TAS2R1: variants seen among roughly 807,000 people sequenced by gnomAD.
TAS2R1 encodes taste receptor type 2 member 1.
For synonymous variants in TAS2R1, 141 were observed against 134.2 expected (o/e 1.05, Z -0.35); for missense variants, 370 against 353.4 (o/e 1.05, Z -0.38).
chr5:9,814,538 A>C, the TAS2R1 span, among the ~76,000 whole-genome samples: 15 of 152,302 alleles, frequency 9.8e-5, no homozygotes, highest in Admixed American at 9.2e-4. Flanking sequence ...ATTCCAGATC[A>C]AAATTTAAAA....
intron 1 of TAS2R1, among the ~76,000 whole-genome samples, chr5:9,684,856 T>C (rs1251665991): frequency 8.4e-6 from 1 of 118,622 alleles, no homozygotes; most frequent in Non-Finnish European, 2.1e-5. Flanking sequence ...CAACTAAAAG[T>C]TAAAGGAAAA....
chr5:9,726,974 A>G, the TAS2R1 span, among the ~76,000 whole-genome samples: 1 of 152,222 alleles, frequency 6.6e-6, no homozygotes, highest in South Asian at 2.1e-4. Flanking sequence ...CCCATCATCA[A>G]TGTTTAAAAC....
At chr5:9,871,629 A>G in the TAS2R1 span, among the ~76,000 whole-genome samples, 1 of 152,128 alleles carries the variant, frequency 6.6e-6, no homozygotes, top group East Asian at 1.9e-4. Flanking sequence ...GAGGAATTTT[A>G]CCCCAGATTT....
the TAS2R1 span, among the ~76,000 whole-genome samples, chr5:9,862,599 TTA>T: frequency 1.4e-5 from 1 of 72,106 alleles, no homozygotes; most frequent in Admixed American, 1.4e-4. Flanking sequence ...TTATTTCGTT[TTA>T]TGATTATTAT....
At chr5:9,653,153 G>A (rs1299697148) in intron 2 of TAS2R1, among the ~76,000 whole-genome samples, 2 of 152,100 alleles carry the variant, frequency 1.3e-5, no homozygotes, top group Admixed American at 1.3e-4. Flanking sequence ...TGCCTTCTGT[G>A]ACTAGCTTAT....
chr5:9,736,256 C>A, the TAS2R1 span, among the ~76,000 whole-genome samples: 1 of 152,178 alleles, frequency 6.6e-6, no homozygotes, highest in Admixed American at 6.5e-5. Context: ...TCTTCTCAGC[C>A]TTTTAGCTTT....
the TAS2R1 span, among the ~76,000 whole-genome samples, chr5:9,776,947 C>T: frequency 3.3e-5 from 5 of 152,158 alleles, no homozygotes; most frequent in Non-Finnish European, 7.3e-5. Context: ...ATTAAGTGTG[C>T]AATAACATAT....
chr5:9,878,546 G>C, the TAS2R1 span, among the ~76,000 whole-genome samples: 8 of 152,356 alleles, frequency 5.3e-5, no homozygotes, highest in Non-Finnish European at 7.3e-5. Context: ...TAGATGATAT[G>C]ATTCTTCTAA....
chr5:9,890,671 A>C, the TAS2R1 span, among the ~76,000 whole-genome samples: 1 of 152,236 alleles, frequency 6.6e-6, no homozygotes, highest in East Asian at 1.9e-4. Flanking sequence ...TATTTTAAAC[A>C]TGTAAGTGTC....
At chr5:9,658,653 C>T (rs1355243566) in intron 2 of TAS2R1, 2 of 152,148 alleles carry the variant, frequency 1.3e-5, no homozygotes, top group African/African-American at 4.8e-5. Flanking sequence ...GGATGAGTTA[C>T]CCGTGGATCA....
chr5:9,897,745 A>C, the TAS2R1 span, among the ~76,000 whole-genome samples: 1 of 152,196 alleles, frequency 6.6e-6, no homozygotes, highest in African/African-American at 2.4e-5. Flanking sequence ...GGTTTTATTA[A>C]GCATGATTCT....
intron 1 of TAS2R1, among the ~76,000 whole-genome samples, chr5:9,704,706 T>C (rs1246337469): frequency 6.6e-6 from 1 of 152,174 alleles, no homozygotes; most frequent in East Asian, 1.9e-4. Context: ...AGAATGCAAA[T>C]AAAACTCTAG....
At chr5:9,731,072 C>T in the TAS2R1 span, among the ~76,000 whole-genome samples, 1 of 152,188 alleles carries the variant, frequency 6.6e-6, no homozygotes, top group African/African-American at 2.4e-5. Context: ...ATCCGCTGTC[C>T]CCCATGAGTG....
the TAS2R1 span, among the ~76,000 whole-genome samples, chr5:9,791,961 T>G: frequency 1.3e-5 from 2 of 152,174 alleles, no homozygotes; most frequent in Non-Finnish European, 2.9e-5. Flanking sequence ...TATTCTCATG[T>G]AGGGGGCAGG....
At chr5:9,698,567 C>G (rs1230170189) in intron 1 of TAS2R1, among the ~76,000 whole-genome samples, 1 of 152,134 alleles carries the variant, frequency 6.6e-6, no homozygotes, top group Non-Finnish European at 1.5e-5. Flanking sequence ...CTTTCACTCA[C>G]AGTTCAAAAA....
chr5:9,761,779 T>A, the TAS2R1 span, among the ~76,000 whole-genome samples: 4 of 152,232 alleles, frequency 2.6e-5, no homozygotes, highest in African/African-American at 9.6e-5. Context: ...TCCGTAATCA[T>A]GACAATAAAA....
the TAS2R1 span, among the ~76,000 whole-genome samples, chr5:9,816,603 G>C: frequency 6.6e-6 from 1 of 151,882 alleles, no homozygotes; most frequent in East Asian, 1.9e-4. Context: ...ATCACAAATA[G>C]TCAGAAATAA....
intron 1 of TAS2R1, among the ~76,000 whole-genome samples, chr5:9,702,282 C>T (rs1323632794): frequency 6.6e-6 from 1 of 152,226 alleles, no homozygotes; most frequent in African/African-American, 2.4e-5. Flanking sequence ...TGCTAAGTCA[C>T]TGCTCCTGAA....
the TAS2R1 span, among the ~76,000 whole-genome samples, chr5:9,782,207 G>C: frequency 1.3e-5 from 2 of 152,176 alleles, no homozygotes; most frequent in Admixed American, 6.5e-5. Flanking sequence ...ACTTGTTGGG[G>C]ACTTCTGACC....
Sources: allele counts gnomAD v4.1 joint callset (sites outside exome capture counted in the v4.1 genomes callset), GRCh38; gene constraint gnomAD v4.1.1; transcripts MANE v1.5; gene names NCBI Gene and HGNC (gene_info 2026-07-23, HGNC 2026-07-21).